GALNTL6: variants seen among roughly 807,000 people sequenced by gnomAD.
GALNTL6 encodes the protein polypeptide N-acetylgalactosaminyltransferase like 6, also known as polypeptide N-acetylgalactosaminyltransferase-like 6.
A neutral mutation model predicts 73.7 loss-of-function variants in GALNTL6; 46 were observed. The ratio of observed to expected loss-of-function variants is 0.62; its 90% CI spans 0.49 to 0.80. The LOEUF (loss-of-function observed/expected upper bound fraction) is 0.80. GALNTL6 is among the 30% of genes least tolerant of loss of function. The pLI is 0.00. For missense variants in GALNTL6, 604 were observed against 755.0 expected (o/e 0.80, Z 2.34); for synonymous variants, 259 against 263.7 (o/e 0.98, Z 0.17).
chr4:172,788,528 C>T (rs1370719026), intron 5 of GALNTL6, among the ~76,000 whole-genome samples: 5 of 151,794 alleles, frequency 3.3e-5, no homozygotes, highest in East Asian at 1.9e-4. Context: ...AAAAATTAGC[C>T]GGGCGTGTTG....
At chr4:171,824,077 T>TTATATATA (rs3080307) in intron 2 of GALNTL6, among the ~76,000 whole-genome samples, 2,559 of 128,906 alleles carry the variant, frequency 0.02, 62 homozygotes, top group African/African-American at 0.039. Context: ...CAAATCCATT[T>TTATATATA]TATATATATA....
At chr4:172,748,077 G>T (rs1475451079) in intron 5 of GALNTL6, among the ~76,000 whole-genome samples, 1 of 152,048 alleles carries the variant, frequency 6.6e-6, no homozygotes, top group Non-Finnish European at 1.5e-5. Context: ...CAAGACTTAG[G>T]TTAAGCTTCA....
chr4:172,534,742 A>G (rs1370980253), intron 5 of GALNTL6, among the ~76,000 whole-genome samples: 2 of 151,986 alleles, frequency 1.3e-5, no homozygotes, highest in African/African-American at 4.8e-5. Flanking sequence ...TAATTTTTTT[A>G]GTTTTAGTAG....
chr4:172,861,934 G>A (rs559229934), intron 7 of GALNTL6, among the ~76,000 whole-genome samples: 1 of 152,302 alleles, frequency 6.6e-6, no homozygotes, highest in South Asian at 2.1e-4. Context: ...AGCAGTGTGA[G>A]AACAGACTAA....
chr4:172,130,206 A>C (rs972104951), intron 2 of GALNTL6, among the ~76,000 whole-genome samples: 3 of 134,866 alleles, frequency 2.2e-5, no homozygotes, highest in Admixed American at 7.9e-5. Flanking sequence ...TTTTTTTAGC[A>C]TAAGATTGTG....
intron 2 of GALNTL6, among the ~76,000 whole-genome samples, chr4:172,206,778 T>TG (rs1156578852): frequency 7.3e-5 from 6 of 82,384 alleles, no homozygotes; most frequent in Non-Finnish European, 1.7e-4. Flanking sequence ...GAAACGTGTT[T>TG]TTTGTTTTGT....
chr4:172,900,446 G>A (rs1746568246), intron 8 of GALNTL6, among the ~76,000 whole-genome samples: 1 of 152,002 alleles, frequency 6.6e-6, no homozygotes, highest in Non-Finnish European at 1.5e-5. Flanking sequence ...CCTACCTAAT[G>A]GTTTCTCTCA....
intron 8 of GALNTL6, among the ~76,000 whole-genome samples, chr4:172,898,068 T>C (rs955671270): frequency 1.3e-5 from 2 of 152,130 alleles, no homozygotes; most frequent in Admixed American, 1.3e-4. Flanking sequence ...AGAAATCAAG[T>C]TATTGCAGCT....
Position 173,021,481 on chromosome 4 carries a change from T to C in GALNTL6, c.1494T>C (p.Phe498=), listed in dbSNP as rs748649546. The C allele has an allele frequency of 5.0e-6, 8 of 1,613,994 alleles. No individual in the cohort carries two copies. In the African/African-American group the frequency reaches 8.0e-5, roughly 16 times the overall value. The part of the protein sequence containing the change: ...SERTWSHEQL[F]TFGWREDIRP... The stretch of plus-strand genomic sequence containing the variant: ...TGCTACTGTTGCTTTGCTAGCTTTT[T>C]ACCTTTGGATGGAGAGAAGATATTC... Residue 498 remains phenylalanine, a synonymous_variant, in exon 12 of 13, where the codon TTT becomes TTC. Transcript: ENST00000506823.
intron 2 of GALNTL6, among the ~76,000 whole-genome samples, chr4:171,820,585 G>A (rs892192771): frequency 1.3e-5 from 2 of 152,100 alleles, no homozygotes; most frequent in African/African-American, 4.8e-5. Context: ...ACAATAGGTA[G>A]GTAGGGGAAT....
intron 5 of GALNTL6, among the ~76,000 whole-genome samples, chr4:172,354,176 T>C (rs1448224153): frequency 1.3e-5 from 2 of 152,102 alleles, no homozygotes; most frequent in South Asian, 4.1e-4. Context: ...CACTAGATTA[T>C]AAGACAAGCA....
At chr4:172,072,793 G>T (rs900192882) in intron 2 of GALNTL6, among the ~76,000 whole-genome samples, 1 of 152,108 alleles carries the variant, frequency 6.6e-6, no homozygotes, top group Non-Finnish European at 1.5e-5. Context: ...ATAATTTCCT[G>T]ACTACCAATA....
intron 5 of GALNTL6, among the ~76,000 whole-genome samples, chr4:172,671,190 G>T (rs943068872): frequency 6.6e-6 from 1 of 152,300 alleles, no homozygotes; most frequent in African/African-American, 2.4e-5. Flanking sequence ...TGTGAAAAAT[G>T]TCAGTGGTGA....
At chr4:172,296,937 C>A (rs961912914) in intron 3 of GALNTL6, among the ~76,000 whole-genome samples, 1 of 152,186 alleles carries the variant, frequency 6.6e-6, no homozygotes, top group Non-Finnish European at 1.5e-5. Context: ...GGAATCACCA[C>A]ACTGACTTCC....
At position 172,185,749 on chromosome 4, in the gene GALNTL6, A is replaced by C. The variant is rs115631798; in HGVS notation, c.139-43907A>C. Among the ~76,000 whole-genome samples the C allele has an allele frequency of 8.0e-3, 1,221 of 152,300 alleles. 17 individuals are homozygous for C. Among genetic ancestry groups the C allele is most frequent in the African/African-American group, 0.028 (1,156 of 41,564 alleles). On this transcript the variant is annotated intron_variant, in intron 2 of 12. Coordinates refer to ENST00000506823, the MANE Select transcript of GALNTL6 (RefSeq NM_001034845.3). The stretch of plus-strand genomic sequence containing the variant: ...CCCTCCATTTCTGTTTTTCACTAAC[A>C]ACTGACTTTAGTTTAACACCAGAGG...
chr4:172,606,010 G>T (rs888658869), intron 5 of GALNTL6, among the ~76,000 whole-genome samples: 1 of 113,778 alleles, frequency 8.8e-6, no homozygotes, highest in African/African-American at 2.6e-5. Flanking sequence ...GTGTGTATGT[G>T]GGCCCCCAGT....
intron 12 of GALNTL6, among the ~76,000 whole-genome samples, chr4:173,031,069 A>G (rs889069512): frequency 1.3e-5 from 2 of 152,026 alleles, no homozygotes; most frequent in African/African-American, 4.8e-5. Context: ...GGGCCTCATA[A>G]TAGTCACTGG....
chr4:172,876,272 T>C (rs955469540), intron 7 of GALNTL6, among the ~76,000 whole-genome samples: 2 of 152,196 alleles, frequency 1.3e-5, no homozygotes, highest in African/African-American at 4.8e-5. Context: ...TGGTACAAAA[T>C]AGCACAAAAT....
chr4:172,245,140 A>G (rs372385530), intron 3 of GALNTL6, among the ~76,000 whole-genome samples: 30 of 152,274 alleles, frequency 2.0e-4, no homozygotes, highest in African/African-American at 6.3e-4. Flanking sequence ...TATGTCTACC[A>G]TTCATTTTCC....
Sources: allele counts gnomAD v4.1 joint callset (sites outside exome capture counted in the v4.1 genomes callset), GRCh38; gene constraint gnomAD v4.1.1; transcripts MANE v1.5; gene names NCBI Gene and HGNC (gene_info 2026-07-23, HGNC 2026-07-21).